The following AMPH variants were observed in gnomAD, a reference collection of about 807,000 sequenced individuals.
The protein encoded by AMPH is amphiphysin (Stiff-Mann syndrome with breast cancer 128kD autoantigen).
A neutral mutation model predicts 99.1 loss-of-function variants in AMPH; 49 were observed. The ratio of observed to expected loss-of-function variants is 0.49; its 90% CI spans 0.39 to 0.63. AMPH has a LOEUF of 0.63. Ranked by LOEUF, AMPH falls within the 20% of genes least tolerant of loss-of-function variation. The probability of loss-of-function intolerance (pLI) is 0.00; values close to 1 mark genes in which losing one functional copy is unlikely to be tolerated. For missense variants in AMPH, 759 were observed against 863.4 expected, an observed-to-expected ratio of 0.88 and a Z score of 1.52; for synonymous variants, 314 against 317.3, an observed-to-expected ratio of 0.99 and a Z score of 0.11.
chr7:38,509,163 C>G (rs1789445851), intron 2 of AMPH, among the ~76,000 whole-genome samples: 1 of 152,140 alleles, frequency 6.6e-6, no homozygotes, highest in South Asian at 2.1e-4. Flanking sequence ...AAAACAATTC[C>G]TCTTCTTTTA....
At chr7:38,614,512 C>T (rs916143049) in intron 1 of AMPH, among the ~76,000 whole-genome samples, 10 of 152,182 alleles carry the variant, frequency 6.6e-5, no homozygotes, top group African/African-American at 2.2e-4. Flanking sequence ...AACATCTGCC[C>T]TTTGGAGAAA....
intron 2 of AMPH, among the ~76,000 whole-genome samples, chr7:38,507,987 A>G (rs1300658429): frequency 1.3e-5 from 2 of 152,246 alleles, no homozygotes; most frequent in Admixed American, 1.3e-4. Flanking sequence ...CAATATATTA[A>G]TATTAGTAAA....
chr7:38,518,974 C>T (rs1301931283), intron 2 of AMPH, among the ~76,000 whole-genome samples: 1 of 152,232 alleles, frequency 6.6e-6, no homozygotes, highest in Admixed American at 6.5e-5. Context: ...ATGCGGGTTT[C>T]ACGCTCATAA....
rs1421631075 is a variant in AMPH, at chr7:38,422,615, G to T, written c.1216-138C>A. 1.2e-4 allele frequency: 74 copies of T among 637,622 alleles called. 2 individuals carry two copies. In the Admixed American group the frequency reaches 2.2e-3, roughly 19 times the overall value. The allele number at this position is 637,622 out of a possible 1,614,324, so 39.5% of individuals were successfully genotyped here. ...CTATCTATCTATCCATCTATCTATC[G>T]ACACTCTATCTATCTAATTTTTTTT... is the stretch of plus-strand genomic sequence containing the variant. On this transcript the variant is annotated intron_variant, in intron 15 of 20. Coordinates refer to ENST00000356264, the MANE Select transcript of AMPH (RefSeq NM_001635.4).
intron 3 of AMPH, among the ~76,000 whole-genome samples, chr7:38,495,160 T>C (rs1021114883): frequency 6.6e-6 from 1 of 152,184 alleles, no homozygotes; most frequent in Admixed American, 6.5e-5. Flanking sequence ...TGACTTTAAT[T>C]GATACGATGA....
chr7:38,627,005 A>G (rs1794271675), intron 1 of AMPH, among the ~76,000 whole-genome samples: 1 of 152,102 alleles, frequency 6.6e-6, no homozygotes, highest in African/African-American at 2.4e-5. Context: ...TGTGAATATC[A>G]TTTATTTTGC....
chr7:38,567,060 A>C (rs1303712244), intron 1 of AMPH, among the ~76,000 whole-genome samples: 1 of 152,210 alleles, frequency 6.6e-6, no homozygotes, highest in African/African-American at 2.4e-5. Flanking sequence ...AAGGATTATA[A>C]ATCATTCTAC....
At chr7:38,531,093 G>A (rs1359379190) in intron 2 of AMPH, 1 of 152,118 alleles carries the variant, frequency 6.6e-6, no homozygotes, top group African/African-American at 2.4e-5. Flanking sequence ...GCTGTTTACA[G>A]GCACGATCCC....
intron 1 of AMPH, among the ~76,000 whole-genome samples, chr7:38,621,499 T>C (rs17171422): frequency 0.035 from 5,381 of 152,264 alleles, 371 homozygotes; most frequent in African/African-American, 0.12. Flanking sequence ...ATAAAGCATA[T>C]GAATTTAACA....
chr7:38,503,499 G>GT lies in AMPH; in HGVS notation c.205+150_205+151insA, dbSNP rs1319618630. ...CATTTCAATGGGAATTTGGGGCGGG[G>GT]GGGTGGGTGGTGGAATGGAACACCT... On this transcript the variant is annotated intron_variant, in intron 3 of 20. Transcript: ENST00000356264. 22 of 546,602 alleles carry GT rather than the reference G, an allele frequency of 4.0e-5. 1 individual carries two copies. Among genetic ancestry groups the GT allele is most frequent in the Non-Finnish European group, 6.1e-5 (19 of 312,502 alleles). The allele number at this position is 546,602 out of a possible 1,614,324, so 33.9% of individuals were successfully genotyped here. A position where few individuals can be genotyped will look rare whatever the true frequency, so the allele number is the denominator to read the frequency against.
chr7:38,571,908 CTTT>C (rs35135533), intron 1 of AMPH, among the ~76,000 whole-genome samples: 87 of 141,874 alleles, frequency 6.1e-4, no homozygotes, highest in African/African-American at 2.1e-3. Context: ...ACACGTTTAT[CTTT>C]TTTTTTTTTT....
At chr7:38,472,101 C>T (rs920366199) in intron 7 of AMPH, among the ~76,000 whole-genome samples, 5 of 152,044 alleles carry the variant, frequency 3.3e-5, no homozygotes, top group African/African-American at 1.2e-4. Context: ...TATAGTCAAC[C>T]TGAACCTCAC....
At chr7:38,557,101 T>G (rs80128281) in intron 1 of AMPH, among the ~76,000 whole-genome samples, 1 of 152,064 alleles carries the variant, frequency 6.6e-6, no homozygotes, top group Admixed American at 6.6e-5. Context: ...TGTAGAGGAC[T>G]GATTTGGGGT....
rs369555590 is a variant in AMPH at position 38,387,936 on chromosome 7, G to C, written c.1980+1868C>G. Among the ~76,000 whole-genome samples the C allele has an allele frequency of 3.3e-5, 5 of 151,754 alleles. No homozygotes were observed. The East Asian group carries it at 7.7e-4, about 24-fold the overall frequency. Reference sequence around the variant, plus strand: ...AGCTGATTTCTAATTATAAACAATAGAGACCAGAAAACAATGAAACATGTT... The same window carrying C: ...AGCTGATTTCTAATTATAAACAATACAGACCAGAAAACAATGAAACATGTT... On this transcript the variant is annotated intron_variant, in intron 20 of 20. Coordinates refer to ENST00000356264, the MANE Select transcript of AMPH (RefSeq NM_001635.4).
intron 1 of AMPH, among the ~76,000 whole-genome samples, 163 bp downstream of exon 1, chr7:38,631,120 A>G (rs1794446045): frequency 6.6e-6 from 1 of 151,706 alleles, no homozygotes; most frequent in Admixed American, 6.6e-5. Flanking sequence ...GCCTTGCGGC[A>G]GTCACCGAGC....
At chr7:38,461,238 C>T in intron 11 of AMPH, 45 bp downstream of exon 11, 1 of 1,609,642 alleles carries the variant, frequency 6.2e-7, no homozygotes, top group Non-Finnish European at 8.5e-7. Context: ...AGTCCTTCCA[C>T]CATGGGACTT....
At chr7:38,432,388 T>C (rs1474471714) in intron 12 of AMPH, among the ~76,000 whole-genome samples, 176 bp from the exon 13 acceptor site, 1 of 152,188 alleles carries the variant, frequency 6.6e-6, no homozygotes, top group Non-Finnish European at 1.5e-5. Context: ...TCCAGTATGG[T>C]AGCCACCAGT....
chr7:38,532,900 G>T (rs1584214387), intron 2 of AMPH, among the ~76,000 whole-genome samples: 1 of 152,170 alleles, frequency 6.6e-6, no homozygotes, highest in Non-Finnish European at 1.5e-5. Flanking sequence ...CAAGAGCAAA[G>T]AATTAATTAG....
intron 17 of AMPH, among the ~76,000 whole-genome samples, chr7:38,396,244 A>G (rs1444055094): frequency 1.3e-5 from 2 of 151,990 alleles, no homozygotes; most frequent in Non-Finnish European, 2.9e-5. Context: ...TTGGTGGGAG[A>G]TGATTGAATC....
Sources: gnomAD v4.1 joint callset for allele counts (sites outside exome capture counted in the v4.1 genomes callset) on GRCh38, gnomAD v4.1.1 for gene constraint, MANE v1.5 for transcripts, NCBI Gene and HGNC (gene_info 2026-07-23, HGNC 2026-07-21) for gene names.